TUBGCP5: variants seen among roughly 807,000 people sequenced by gnomAD.
The protein encoded by TUBGCP5 is tubulin gamma complex component 5.
In TUBGCP5, 98 loss-of-function variants were observed where a neutral mutation model predicts 134.7. The ratio of observed to expected loss-of-function variants is 0.73; its 90% CI spans 0.62 to 0.86. The LOEUF (loss-of-function observed/expected upper bound fraction) is 0.86. Ranked by LOEUF, TUBGCP5 falls within the 40% of genes least tolerant of loss-of-function variation. The pLI is 0.00. For missense variants in TUBGCP5, 1,150 were observed against 1,244.8 expected (o/e 0.92, Z 1.15); for synonymous variants, 456 against 431.4 (o/e 1.06, Z -0.71).
At chr15:23,027,379 C>G in intron 6 of TUBGCP5, 73 bp from the exon 7 acceptor site, 2 of 1,214,964 alleles carry the variant, frequency 1.6e-6, no homozygotes, top group Non-Finnish European at 2.4e-6. Context: ...GGACTTACAG[C>G]TCCATTCAAA....
intron 11 of TUBGCP5, among the ~76,000 whole-genome samples, chr15:23,021,594 C>T (rs1175934312): frequency 6.6e-6 from 1 of 152,224 alleles, no homozygotes; most frequent in Non-Finnish European, 1.5e-5. Context: ...CAACAGCTCC[C>T]CATTCCCCAG....
chr15:23,020,584 C>CAAAAAAAAAAAA (rs542905350), intron 11 of TUBGCP5, among the ~76,000 whole-genome samples: 5 of 76,240 alleles, frequency 6.6e-5, no homozygotes, highest in Non-Finnish European at 1.2e-4. Context: ...GACTACGTCT[C>CAAAAAAAAAAAA]AAAAAAAAAA....
At chr15:22,986,844 T>G (rs557809647) in intron 23 of TUBGCP5, among the ~76,000 whole-genome samples, 97 of 152,152 alleles carry the variant, frequency 6.4e-4, no homozygotes, top group African/African-American at 2.3e-3. Context: ...TGTAGGAAAC[T>G]TCTGGGGACT....
chr15:23,028,740 AG>A (rs1175355144), intron 6 of TUBGCP5, among the ~76,000 whole-genome samples: 3 of 152,184 alleles, frequency 2.0e-5, no homozygotes, highest in African/African-American at 7.2e-5. Flanking sequence ...CTAGTCATCC[AG>A]GAAGCCCACT....
chr15:23,035,384 C>T (rs940576987), intron 3 of TUBGCP5, among the ~76,000 whole-genome samples: 2 of 151,536 alleles, frequency 1.3e-5, no homozygotes, highest in Admixed American at 6.6e-5. Flanking sequence ...CAGCAATCCC[C>T]AACCGTTTTG....
chr15:23,011,451 A>G (rs2065027884), intron 13 of TUBGCP5, 120 bp from the exon 14 acceptor site: 4 of 292,530 alleles, frequency 1.4e-5, no homozygotes, highest in South Asian at 1.5e-4. Flanking sequence ...ATATTTATAT[A>G]TAAATATTAA....
intron 21 of TUBGCP5, 41 bp downstream of exon 21, chr15:23,003,024 A>C (rs1266301892): frequency 6.3e-7 from 1 of 1,599,362 alleles, no homozygotes; most frequent in Non-Finnish European, 8.6e-7. Context: ...GCTGAAGCTG[A>C]AATGGTCACA....
Position 23,006,102 on chromosome 15 carries a change from A to C in TUBGCP5, c.2483T>G (p.Leu828Ter). The C allele has an allele frequency of 6.2e-7, 1 of 1,612,510 alleles. No homozygotes were observed. Among genetic ancestry groups the C allele is most frequent in the Non-Finnish European group, 8.5e-7 (1 of 1,179,636 alleles). The change falls in exon 18 of 23, where the codon TTA becomes TGA. Residue 828 changes from leucine (L) to a stop codon, truncating the protein, a stop_gained. Coordinates refer to ENST00000615383, the MANE Select transcript of TUBGCP5 (RefSeq NM_052903.6). LOFTEE classifies it high-confidence loss of function. Reference protein sequence around the residue: ...QKIYNQVFLLLLQIKWAKYSL... With the variant: ...QKIYNQVFLL ...ATATTTTGCCCACTTTATTTGCAAT[A>C]AGAGAAGAAACACTTGATTATAAAT...
Position 23,027,173 on chromosome 15 carries a change from G to A in TUBGCP5, c.737+19C>T, listed in dbSNP as rs374462933. 316 of 1,570,310 alleles carry A rather than the reference G, an allele frequency of 2.0e-4. No homozygotes were observed. Among genetic ancestry groups the A allele is most frequent in the Non-Finnish European group, 2.7e-4 (306 of 1,149,484 alleles). ...AGTTTCTTCTATCATCACATTAAAT[G>A]AAAACTTTAGCTTCTTACCAGACAG... On this transcript the variant is annotated intron_variant, in intron 7 of 22. Transcript: ENST00000615383.
At chr15:23,005,830 T>C (rs2064676429) in intron 18 of TUBGCP5, 1 of 669,708 alleles carries the variant, frequency 1.5e-6, no homozygotes, top group Admixed American at 3.2e-5. Context: ...AGATCAACTG[T>C]ACATACAACT....
At chr15:22,993,835 G>A (rs1016655151) in intron 23 of TUBGCP5, among the ~76,000 whole-genome samples, 4 of 151,664 alleles carry the variant, frequency 2.6e-5, no homozygotes, top group African/African-American at 7.3e-5. Flanking sequence ...GTGAGCCACC[G>A]TGCCCAGACT....
chr15:23,005,874 A>G (rs1179194069), intron 18 of TUBGCP5, 178 bp downstream of exon 18: 4 of 715,586 alleles, frequency 5.6e-6, no homozygotes, highest in Non-Finnish European at 8.9e-6. Context: ...TGATGTCCAT[A>G]AAACTACTGC....
At chr15:22,997,640 A>T (rs1220264908), downstream of TUBGCP5, among the ~76,000 whole-genome samples, 1 of 148,692 alleles carries the variant, frequency 6.7e-6, no homozygotes, top group Non-Finnish European at 1.5e-5. Context: ...TTTCTGAGAC[A>T]GAGTCTCGCT....
chr15:23,004,147 A>G lies in TUBGCP5; in HGVS notation c.2793T>C (p.Tyr931=). The G allele has an allele frequency of 6.2e-7, 1 of 1,613,510 alleles. No homozygotes were observed. The highest frequency in any genetic ancestry group is 8.5e-7 in the Non-Finnish European group (1 of 1,179,804). The change falls in exon 20 of 23, where the codon TAT becomes TAC. Residue 931 remains tyrosine, a synonymous_variant. Transcript: ENST00000615383. ...GGTCATGGATGGTTGACAGATACCTATAGTGAATTTTAATCAATTGATCTA... is the reference window on the plus strand; with the variant it reads ...GGTCATGGATGGTTGACAGATACCTGTAGTGAATTTTAATCAATTGATCTA... ...KDLDQLIKIH[Y]RYLSTIHDRC... is the part of the protein sequence containing the mutation.
Position 22,986,140 on chromosome 15 carries a change from A to AT in TUBGCP5, c.*62-2530_*62-2529insA, listed in dbSNP as rs1180968601. 5.9e-3 allele frequency among the ~76,000 whole-genome samples: 791 copies of AT among 133,818 alleles called. 10 individuals carry two copies. Among genetic ancestry groups the AT allele is most frequent in the Middle Eastern group, 0.022 (6 of 270 alleles). The allele number at this position is 133,818 out of a possible 152,430, so 87.8% of individuals were successfully genotyped here. ...CAGAGCAAGACTCTGTCTCAAAAAA[A>AT]AAAAAAAAATAATAATAATAATAAA... On this transcript the variant is annotated intron_variant and NMD_transcript_variant, in intron 23 of 23. Coordinates refer to the TUBGCP5 transcript ENST00000614508.
intron 13 of TUBGCP5, among the ~76,000 whole-genome samples, chr15:23,014,039 AG>A: frequency 6.6e-6 from 1 of 152,218 alleles, no homozygotes; most frequent in Non-Finnish European, 1.5e-5. Context: ...TTTCAGACAG[AG>A]GAACAGTCTG....
At chr15:23,037,419 G>A (rs146317092) in intron 1 of TUBGCP5, among the ~76,000 whole-genome samples, 1 of 152,210 alleles carries the variant, frequency 6.6e-6, no homozygotes, top group African/African-American at 2.4e-5. Context: ...ATAAGCCCCT[G>A]TACCTAAGTC....
chr15:23,000,614 CA>C lies in TUBGCP5; in HGVS notation c.2982del (p.Val995Ter), dbSNP rs1269518577. 6.2e-7 allele frequency: 1 copy of C among 1,610,320 alleles called. No individual in the cohort carries two copies. The highest frequency in any genetic ancestry group is 8.5e-7 in the Non-Finnish European group (1 of 1,177,388). On this transcript the variant is annotated frameshift_variant, in exon 22 of 23. Transcript: ENST00000615383. LOFTEE classifies it high-confidence loss of function. ...CAGACGGCTTTGTTTAAAATGGTTA[CA>C]AGAAACATATGGCAGTTTTTAAAAT... ...ESDFKNCHMF[L>X]VTILNKAVCR...
chr15:23,028,858 G>A (rs28773563), intron 6 of TUBGCP5, among the ~76,000 whole-genome samples: 5,715 of 152,096 alleles, frequency 0.038, 254 homozygotes, highest in African/African-American at 0.11. Context: ...CTAGCAGGAA[G>A]AATAAAACCA....
Sources: gnomAD v4.1 joint callset for allele counts (sites outside exome capture counted in the v4.1 genomes callset) on GRCh38, gnomAD v4.1.1 for gene constraint, MANE v1.5 for transcripts, NCBI Gene and HGNC (gene_info 2026-07-23, HGNC 2026-07-21) for gene names.